AKAP11: variants seen among roughly 807,000 people sequenced by gnomAD.
The protein encoded by AKAP11 is A-kinase anchoring protein 11, also known as A-kinase anchor protein 11.
AKAP11 carries 36 observed loss-of-function variants against 146.1 expected under a neutral mutation model. The observed-to-expected ratio is 0.25, with a 90% confidence interval of 0.19 to 0.33. The LOEUF is 0.33. Ranked by LOEUF, AKAP11 falls within the 10% of genes least tolerant of loss-of-function variation. AKAP11 has a pLI of 1.00. For missense variants in AKAP11, 2,201 were observed against 2,197.0 expected (o/e 1.00, Z -0.04); for synonymous variants, 780 against 786.5 (o/e 0.99, Z 0.14).
chr13:42,287,389 T>A (rs1004175885), intron 3 of AKAP11, among the ~76,000 whole-genome samples: 3 of 152,074 alleles, frequency 2.0e-5, no homozygotes, highest in Non-Finnish European at 4.4e-5. Flanking sequence ...GTTCATGCCA[T>A]TCTCCTGCCT....
chr13:42,306,677 TGAAAG>T (rs1380702609), intron 8 of AKAP11, among the ~76,000 whole-genome samples: 4 of 152,340 alleles, frequency 2.6e-5, no homozygotes, highest in South Asian at 4.1e-4. Context: ...CTTTCAAACT[TGAAAG>T]GAGATTCATT....
rs1960055051 is a variant in AKAP11 at position 42,303,280 on chromosome 13, C to G, written c.4534C>G (p.Gln1512Glu). ...TACACCAGAATTGCCTAAGTCTCTT[C>G]AGCCTTCCTCACAAAATCACAGGTT... Reference protein sequence around the residue: ...HVTPELPKSLQPSSQNHRFYH... With the variant: ...HVTPELPKSLEPSSQNHRFYH... Residue 1512 changes from glutamine (Q) to glutamate (E), a missense_variant, in exon 8 of 13, where the codon CAG becomes GAG. Around this residue, in one of 3 missense-constraint regions of AKAP11, gnomAD observed 1,867 missense variants for 1,833.5 expected, o/e 1.02. Transcript: ENST00000025301. 2 of 1,613,112 alleles carry G rather than the reference C, an allele frequency of 1.2e-6. No homozygotes were observed. Among genetic ancestry groups the G allele is most frequent in the South Asian group, 2.2e-5 (2 of 91,076 alleles).
Position 42,317,800 on chromosome 13 carries a change from G to C in AKAP11, c.5565+112G>C. The stretch of plus-strand genomic sequence containing the variant: ...GATGGTTAAATTCTTAGGCTGTAGT[G>C]TCCAACAGTTTGGGTTCAGACATCA... On this transcript the variant is annotated intron_variant, in intron 12 of 12. Coordinates refer to ENST00000025301, the MANE Select transcript of AKAP11 (RefSeq NM_016248.4). The C allele has an allele frequency of 4.8e-6, 6 of 1,259,734 alleles. No homozygotes were observed. The South Asian group carries it at 9.4e-5, about 20-fold the overall frequency. The allele number at this position is 1,259,734 out of a possible 1,614,324, so 78.0% of individuals were successfully genotyped here.
rs1959892546 is a variant in AKAP11 at position 42,301,376 on chromosome 13, C to T, written c.2630C>T (p.Ala877Val). The T allele has an allele frequency of 3.1e-6, 5 of 1,613,182 alleles. No homozygotes were observed. Among genetic ancestry groups the T allele is most frequent in the Non-Finnish European group, 4.2e-6 (5 of 1,179,678 alleles). ...NDPAIISNFS[A>V]AVVHTIVNET... ...CCTGCAATTATTAGCAACTTTTCTG[C>T]AGCAGTGGTGCATACGATAGTAAAT... Residue 877 changes from alanine (A) to valine (V), a missense_variant, in exon 8 of 13, where the codon GCA (alanine) becomes GTA (valine). Ala to Val is a moderately conservative substitution (Grantham distance 64, BLOSUM62 0). This residue lies in a region of AKAP11 where 1,867 missense variants were observed against 1,833.5 expected (regional missense o/e 1.02). Transcript: ENST00000025301.
chr13:42,295,886 C>G, intron 5 of AKAP11, 144 bp downstream of exon 5: 1 of 662,678 alleles, frequency 1.5e-6, no homozygotes, highest in Non-Finnish European at 2.6e-6. Flanking sequence ...GAATGTATGA[C>G]TTGTTTGTTT....
chr13:42,277,183 T>G (rs1350547327), intron 1 of AKAP11, among the ~76,000 whole-genome samples: 2 of 152,208 alleles, frequency 1.3e-5, no homozygotes, highest in African/African-American at 4.8e-5. Context: ...TTTTTGAAAG[T>G]CAAATATATT....
intron 4 of AKAP11, among the ~76,000 whole-genome samples, chr13:42,295,270 C>T (rs943444645): frequency 4.6e-5 from 7 of 152,036 alleles, no homozygotes; most frequent in African/African-American, 1.2e-4. Context: ...AAAGGGGGCT[C>T]GTGTGTAAGT....
intron 1 of AKAP11, among the ~76,000 whole-genome samples, chr13:42,273,267 C>T (rs1057306404): frequency 2.2e-4 from 33 of 151,740 alleles, no homozygotes; most frequent in Non-Finnish European, 1.5e-4. Flanking sequence ...ATCAGTAATG[C>T]ACAGATATAT....
chr13:42,301,717 T>TC lies in AKAP11; in HGVS notation c.2972dup (p.Gln992SerfsTer20). ...AGAAAAGTCTCCCAAATTTCCTGAC[T>TC]CTCAGAATCAGTTAACTCACTGCTC... On this transcript the variant is annotated frameshift_variant, in exon 8 of 13. Coordinates refer to ENST00000025301, the MANE Select transcript of AKAP11 (RefSeq NM_016248.4). LOFTEE classifies it high-confidence loss of function. The TC allele has an allele frequency of 6.2e-7, 1 of 1,614,180 alleles. No individual in the cohort carries two copies. Among genetic ancestry groups the TC allele is most frequent in the South Asian group, 1.1e-5 (1 of 91,080 alleles).
intron 9 of AKAP11, among the ~76,000 whole-genome samples, chr13:42,311,852 A>G (rs1960581456): frequency 6.6e-6 from 1 of 152,160 alleles, no homozygotes; most frequent in African/African-American, 2.4e-5. Flanking sequence ...TAATAGAGCT[A>G]TATTTGTTTG....
Position 42,299,445 on chromosome 13 carries a change from A to G in AKAP11, c.699A>G (p.Leu233=), listed in dbSNP as rs778536766. ...VTGHHLETHD[L]KILISSGQQK... ...GTCATCATTTAGAAACCCATGATTT[A>G]AAGATTCTCATTAGCTCTGGACAGC... Residue 233 remains leucine (L), a synonymous_variant, in exon 8 of 13, where the codon TTA becomes TTG. Transcript: ENST00000025301. The G allele has an allele frequency of 4.3e-6, 7 of 1,613,864 alleles. No individual in the cohort carries two copies. In the East Asian group the frequency reaches 1.6e-4, roughly 36 times the overall value.
At chr13:42,299,322 T>C (rs1276961412) in intron 7 of AKAP11, 41 bp from the exon 8 acceptor site, 6 of 1,534,116 alleles carry the variant, frequency 3.9e-6, no homozygotes, top group African/African-American at 2.8e-5. Context: ...CCAAAAAGTT[T>C]TGTTCAAAAA....
chr13:42,288,690 T>A (rs1191650592), intron 3 of AKAP11, among the ~76,000 whole-genome samples: 4 of 152,248 alleles, frequency 2.6e-5, no homozygotes, highest in Non-Finnish European at 5.9e-5. Flanking sequence ...CAGTTAGGAC[T>A]TAGCATTTCT....
At position 42,303,871 on chromosome 13, in the gene AKAP11, T is replaced by G; in HGVS notation, c.5117+8T>G. On this transcript the variant is annotated splice_region_variant and intron_variant, in intron 8 of 12. Coordinates refer to ENST00000025301, the MANE Select transcript of AKAP11 (RefSeq NM_016248.4). ...TGGGCATGCTGTTAGCAGGTAAGTT[T>G]CACGTTTCTTTTGGTTGTTAATGAT... 1 of 1,555,114 alleles carries G rather than the reference T, an allele frequency of 6.4e-7. No individual in the cohort carries two copies.
intron 11 of AKAP11, among the ~76,000 whole-genome samples, chr13:42,314,650 G>A (rs1960732640): frequency 6.6e-6 from 1 of 151,748 alleles, no homozygotes; most frequent in East Asian, 1.9e-4. Context: ...TAGAACCAGG[G>A]TTTCATGTCA....
chr13:42,282,836 A>G (rs1253532547), intron 1 of AKAP11, among the ~76,000 whole-genome samples: 1 of 152,106 alleles, frequency 6.6e-6, no homozygotes, highest in Non-Finnish European at 1.5e-5. Flanking sequence ...GGTTCACTTT[A>G]ATTTCTTTGA....
At chr13:42,278,720 TCA>T (rs1235166007) in intron 1 of AKAP11, among the ~76,000 whole-genome samples, 2 of 152,198 alleles carry the variant, frequency 1.3e-5, no homozygotes, top group African/African-American at 4.8e-5. Flanking sequence ...TCTGTTACCC[TCA>T]TATTTACCAT....
intron 1 of AKAP11, among the ~76,000 whole-genome samples, chr13:42,285,004 G>A (rs769562047): frequency 6.6e-6 from 1 of 152,174 alleles, no homozygotes; most frequent in African/African-American, 2.4e-5. Flanking sequence ...AATCTCTAAA[G>A]AAGTGTGTGT....
At chr13:42,273,211 A>G (rs1362611958) in intron 1 of AKAP11, among the ~76,000 whole-genome samples, 1 of 152,062 alleles carries the variant, frequency 6.6e-6, no homozygotes, top group Non-Finnish European at 1.5e-5. Context: ...TTATTTTGTT[A>G]TGTCTGAAAA....
Sources: gnomAD v4.1 joint callset for allele counts (sites outside exome capture counted in the v4.1 genomes callset) on GRCh38, gnomAD v4.1.1 for gene constraint, gnomAD v4.1.1 regional missense constraint, MANE v1.5 for transcripts, NCBI Gene and HGNC (gene_info 2026-07-23, HGNC 2026-07-21) for gene names.